The following EPHB6 variants were observed in gnomAD, a reference collection of about 807,000 sequenced individuals.
The protein encoded by EPHB6 is EPH receptor B6.
EPHB6 carries 51 observed loss-of-function variants against 107.0 expected under a neutral mutation model. The observed-to-expected ratio is 0.48, with a 90% CI of 0.38 to 0.60. EPHB6 has a LOEUF of 0.60. EPHB6 is among the 20% of genes least tolerant of loss of function. The pLI is 0.00. For missense variants in EPHB6, 1,141 were observed against 1,355.5 expected (o/e 0.84, Z 2.48); for synonymous variants, 553 against 549.0 (o/e 1.01, Z -0.10).
In EPHB6 at chr7:142,864,053, G is replaced by C; in HGVS notation, c.253G>C (p.Gly85Arg). The C allele has an allele frequency of 6.2e-7, 1 of 1,614,106 alleles. No individual in the cohort carries two copies. Among genetic ancestry groups the C allele is most frequent in the Non-Finnish European group, 8.5e-7 (1 of 1,180,038 alleles). Residue 85 changes from glycine (G) to arginine (R), a missense_variant, in exon 7 of 20, where the codon GGG becomes CGG. By Grantham distance (125) the Gly-to-Arg change is moderately radical (BLOSUM62 -2). Transcript: ENST00000652003. ...CHVAGAPPGT[G>R]QDNWLQTHFV... ...TGTGGCAGGGGCCCCTCCAGGCACC[G>C]GGCAGGACAATTGGTTGCAGACACA... is the stretch of plus-strand genomic sequence containing the variant.
chr7:142,866,669 G>T lies in EPHB6; in HGVS notation c.1587+64G>T. On this transcript the variant is annotated intron_variant, in intron 10 of 19. Transcript: ENST00000652003. This position sits in a 1 kb window ranked among gnomAD's most constrained non-coding sequence, Gnocchi z 5.2. ...AGGAGCTCATAGGCCTCACAGTGGG[G>T]CCCAGAGGTGACCAGGTGCACAGGA... The T allele has an allele frequency of 6.2e-7, 1 of 1,612,006 alleles. No individual in the cohort carries two copies. The highest frequency in any genetic ancestry group is 1.1e-5 in the South Asian group (1 of 91,000).
chr7:142,869,138 C>A lies in EPHB6; in HGVS notation c.2451C>A (p.His817Gln). The change falls in exon 16 of 20, where the codon CAC becomes CAA. Residue 817 changes from histidine (H) to glutamine (Q), a missense_variant. By Grantham distance (24) the His-to-Gln change is conservative. Around this residue, in one of 3 missense-constraint regions of EPHB6, gnomAD observed 616 missense variants for 759.3 expected, o/e 0.81. Coordinates refer to ENST00000652003, the MANE Select transcript of EPHB6 (RefSeq NM_004445.6). This position sits in a 1 kb window ranked among gnomAD's most constrained non-coding sequence, Gnocchi z 4.5. The stretch of plus-strand genomic sequence containing the variant: ...TGTGCAAGGTGGCCCGTCTTGGCCA[C>A]AGTCCTCAGGTGAGAGCACAGCCTT... ...HLVCKVARLGHSPQGPSCLLR... is the reference protein window; with the variant it reads ...HLVCKVARLGQSPQGPSCLLR... The A allele has an allele frequency of 1.2e-6, 2 of 1,613,190 alleles. No individual in the cohort carries two copies. The highest frequency in any genetic ancestry group is 2.2e-5 in the East Asian group (1 of 44,876).
chr7:142,863,205 G>C lies in EPHB6; in HGVS notation c.-23G>C. ...GGAGCAGGGTGGTGGCTGGGGCGATGGTGGACGCCCTGAAGATGTCCCATG... is the reference window on the plus strand; with the variant it reads ...GGAGCAGGGTGGTGGCTGGGGCGATCGTGGACGCCCTGAAGATGTCCCATG... On this transcript the variant is annotated 5_prime_UTR_variant, in exon 5 of 20. An upstream start codon of the reference 5' UTR is lost. Coordinates refer to ENST00000652003, the MANE Select transcript of EPHB6 (RefSeq NM_004445.6). 6.2e-7 allele frequency: 1 copy of C among 1,609,018 alleles called. No homozygotes were observed. Among genetic ancestry groups the C allele is most frequent in the Non-Finnish European group, 8.5e-7 (1 of 1,175,504 alleles).
In EPHB6 at chr7:142,869,128, G is replaced by A. The variant is rs55804539; in HGVS notation, c.2441G>A (p.Arg814His). ...AGCCACTTGGTGTGCAAGGTGGCCCGTCTTGGCCACAGTCCTCAGGTGAGA... is the reference window on the plus strand; with the variant it reads ...AGCCACTTGGTGTGCAAGGTGGCCCATCTTGGCCACAGTCCTCAGGTGAGA... ...VNSHLVCKVA[R>H]LGHSPQGPSC... Residue 814 changes from arginine (R) to histidine (H), a missense_variant, in exon 16 of 20, where the codon CGT becomes CAT. By Grantham distance (29) the Arg-to-His change is conservative (BLOSUM62 0). Transcript: ENST00000652003. The surrounding 1 kb of genome is among the most constrained non-coding windows in gnomAD (Gnocchi z 4.5). The A allele has an allele frequency of 3.3e-5, 54 of 1,613,268 alleles. 1 individual carries two copies. The highest frequency in any genetic ancestry group is 3.1e-4 in the African/African-American group (23 of 74,932).
At position 142,866,425 on chromosome 7, in the gene EPHB6, C is replaced by T; in HGVS notation, c.1463-56C>T. 2.5e-6 allele frequency: 4 copies of T among 1,613,206 alleles called. No homozygotes were observed. Among genetic ancestry groups the T allele is most frequent in the Non-Finnish European group, 3.4e-6 (4 of 1,179,958 alleles). On this transcript the variant is annotated intron_variant, in intron 9 of 19. Transcript: ENST00000652003. This position sits in a 1 kb window ranked among gnomAD's most constrained non-coding sequence, Gnocchi z 5.2. ...CACCCCTGCCGCCCTCCCCTCAAGG[C>T]TGATCCTGCTCCCAGGGACTCCTAT...
At position 142,863,662 on chromosome 7, in the gene EPHB6, T is replaced by G. The variant is rs1802960498; in HGVS notation, c.132T>G (p.Ser44=). ...TGCTGGACACCACCGGAGAGACATC[T>G]GAGATTGGCTGGCTCACCTACCCAC... The part of the protein sequence containing the change: ...EVLLDTTGET[S]EIGWLTYPPG... The change falls in exon 6 of 20, where the codon TCT becomes TCG. Residue 44 remains serine (S), a synonymous_variant. Coordinates refer to ENST00000652003, the MANE Select transcript of EPHB6 (RefSeq NM_004445.6). 6.2e-7 allele frequency: 1 copy of G among 1,613,872 alleles called. No individual in the cohort carries two copies. The highest frequency in any genetic ancestry group is 8.5e-7 in the Non-Finnish European group (1 of 1,179,980).
intron 7 of EPHB6, 116 bp downstream of exon 7, chr7:142,864,865 T>A: frequency 7.6e-7 from 1 of 1,311,448 alleles, no homozygotes; most frequent in Non-Finnish European, 1.1e-6. Flanking sequence ...GAATAAGCCA[T>A]CTTAGGAAAG....
In EPHB6 at chr7:142,864,376, A is replaced by G. The variant is rs2116422329; in HGVS notation, c.576A>G (p.Gly192=). 6.2e-7 allele frequency: 1 copy of G among 1,613,176 alleles called. No homozygotes were observed. The highest frequency in any genetic ancestry group is 1.3e-5 in the African/African-American group (1 of 75,032). Reference sequence around the variant, plus strand: ...CCCACGGGGCTGGGCAGCGGGCTGGACTGCAACTGAACGTCAAAGAGCGGA... The same window carrying G: ...CCCACGGGGCTGGGCAGCGGGCTGGGCTGCAACTGAACGTCAAAGAGCGGA... ...VGPHGAGQRA[G]LQLNVKERSF... Residue 192 remains glycine, a synonymous_variant, in exon 7 of 20, where the codon GGA becomes GGG. Coordinates refer to ENST00000652003, the MANE Select transcript of EPHB6 (RefSeq NM_004445.6).
chr7:142,862,488 C>A (rs1422975025), intron 3 of EPHB6, among the ~76,000 whole-genome samples: 3 of 152,206 alleles, frequency 2.0e-5, no homozygotes, highest in Non-Finnish European at 2.9e-5. Flanking sequence ...AGCTCTGCCC[C>A]CTCCCTGCAC....
intron 2 of EPHB6, among the ~76,000 whole-genome samples, chr7:142,861,591 C>T (rs1410341400): frequency 2.0e-5 from 3 of 152,220 alleles, no homozygotes; most frequent in Non-Finnish European, 4.4e-5. Context: ...TTACTTTACA[C>T]TGTTCTCCAT....
In EPHB6 at chr7:142,864,467, C is replaced by G. The variant is rs754136264; in HGVS notation, c.667C>G (p.Leu223Val). 1.3e-5 allele frequency: 21 copies of G among 1,613,172 alleles called. No individual in the cohort carries two copies. The highest frequency in any genetic ancestry group is 1.8e-5 in the Non-Finnish European group (21 of 1,179,894). The change falls in exon 7 of 20, where the codon CTG becomes GTG. Residue 223 changes from leucine (L) to valine (V), a missense_variant. Leu to Val is a conservative substitution (Grantham distance 32, BLOSUM62 1). This residue lies in a region of EPHB6 where 221 missense variants were observed against 300.5 expected (regional missense o/e 0.74). Coordinates refer to ENST00000652003, the MANE Select transcript of EPHB6 (RefSeq NM_004445.6). ...CCAGGACACGGGGGCCTGCCTGGCC[C>G]TGGTCGCTGTCAGGCTCTTCTCCTA... ...AFQDTGACLA[L>V]VAVRLFSYTC... is the part of the protein sequence containing the mutation.
rs1794792833 is a variant in EPHB6, at chr7:142,869,404, C to T, written c.2460+257C>T. On this transcript the variant is annotated intron_variant, in intron 16 of 19. Coordinates refer to ENST00000652003, the MANE Select transcript of EPHB6 (RefSeq NM_004445.6). This position sits in a 1 kb window ranked among gnomAD's most constrained non-coding sequence, Gnocchi z 4.5. ...ATCTAGAACTACCTCCTGCCCTTCC[C>T]CCATTGTGGAGATTACACAGACTCC... is the stretch of plus-strand genomic sequence containing the variant. 6.6e-6 allele frequency among the ~76,000 whole-genome samples: 1 copy of T among 152,168 alleles called. No individual in the cohort carries two copies. Among genetic ancestry groups the T allele is most frequent in the Non-Finnish European group, 1.5e-5 (1 of 68,030 alleles).
At chr7:142,865,910 C>G (rs1803135061) in intron 8 of EPHB6, 50 bp from the exon 9 acceptor site, 2 of 1,580,048 alleles carry the variant, frequency 1.3e-6, no homozygotes, top group Non-Finnish European at 1.7e-6. Context: ...TCAATCACCC[C>G]CACTGCTGCC....
At chr7:142,858,050 ATT>A (rs1187719838) in intron 1 of EPHB6, among the ~76,000 whole-genome samples, 1 of 152,136 alleles carries the variant, frequency 6.6e-6, no homozygotes, top group Non-Finnish European at 1.5e-5. Context: ...TTTTACAAAT[ATT>A]TTTCTTTTTT....
chr7:142,868,887 C>T lies in EPHB6; in HGVS notation c.2287-87C>T, dbSNP rs549064463. The T allele has an allele frequency of 1.5e-5, 24 of 1,585,422 alleles. No individual in the cohort carries two copies. Among genetic ancestry groups the T allele is most frequent in the East Asian group, 4.5e-5 (2 of 44,266 alleles). On this transcript the variant is annotated intron_variant, in intron 15 of 19. Coordinates refer to ENST00000652003, the MANE Select transcript of EPHB6 (RefSeq NM_004445.6). This position sits in a 1 kb window ranked among gnomAD's most constrained non-coding sequence, Gnocchi z 4.2. ...CATTTTCTGATTCGACACCCTCCCG[C>T]TCTCATGCTGTTGTCTGCTATGCAG...
chr7:142,865,978 A>G lies in EPHB6; in HGVS notation c.1124A>G (p.Gln375Arg). Residue 375 changes from glutamine to arginine, a missense_variant, in exon 9 of 20, where the codon CAG becomes CGG. Coordinates refer to ENST00000652003, the MANE Select transcript of EPHB6 (RefSeq NM_004445.6). ...CCCCCAGGTCCTCCATCGGCTCCCC[A>G]GGAGCTTTGGTTTGAGGTGCAAGGC... ...APCTGPPSAPQELWFEVQGSA... is the reference protein window; with the variant it reads ...APCTGPPSAPRELWFEVQGSA... 2 of 1,613,438 alleles carry G rather than the reference A, an allele frequency of 1.2e-6. No homozygotes were observed. The highest frequency in any genetic ancestry group is 1.7e-6 in the Non-Finnish European group (2 of 1,179,760).
Position 142,867,263 on chromosome 7 carries a change from G to T in EPHB6, c.1750+195G>T, listed in dbSNP as rs930893249. 4 of 681,224 alleles carry T rather than the reference G, an allele frequency of 5.9e-6. No homozygotes were observed. The highest frequency in any genetic ancestry group is 9.9e-6 in the Non-Finnish European group (4 of 405,452). The allele number at this position is 681,224 out of a possible 1,614,324, so 42.2% of individuals were successfully genotyped here. A position where few individuals can be genotyped will look rare whatever the true frequency, so the allele number is the denominator to read the frequency against. On this transcript the variant is annotated intron_variant, in intron 11 of 19. Coordinates refer to ENST00000652003, the MANE Select transcript of EPHB6 (RefSeq NM_004445.6). This position sits in a 1 kb window ranked among gnomAD's most constrained non-coding sequence, Gnocchi z 5.3. ...GGTGGGGAATTGTAGGGGTATGTAT[G>T]CATGTTGAGTGTGGATATAGGAGGG...
At chr7:142,863,910 T>A in intron 6 of EPHB6, 56 bp from the exon 7 acceptor site, 1 of 1,612,050 alleles carries the variant, frequency 6.2e-7, no homozygotes, top group Non-Finnish European at 8.5e-7. Context: ...CTATAACCTC[T>A]ACCTCGCCGT....
chr7:142,868,727 C>T lies in EPHB6; in HGVS notation c.2274C>T (p.Asp758=). The part of the protein sequence containing the change: ...LTEFMELGPL[D]SFLRQREGQF... The stretch of plus-strand genomic sequence containing the variant: ...AGTTCATGGAGCTTGGCCCCCTGGA[C>T]AGCTTCCTCAGGGTCAGTCCAGCCT... The change falls in exon 15 of 20, where the codon GAC becomes GAT. Residue 758 remains aspartate (D), a synonymous_variant. Coordinates refer to ENST00000652003, the MANE Select transcript of EPHB6 (RefSeq NM_004445.6). This position sits in a 1 kb window ranked among gnomAD's most constrained non-coding sequence, Gnocchi z 4.2. 1 of 1,613,942 alleles carries T rather than the reference C, an allele frequency of 6.2e-7. No individual in the cohort carries two copies. The highest frequency in any genetic ancestry group is 8.5e-7 in the Non-Finnish European group (1 of 1,180,028).
Sources: gnomAD v4.1 joint callset for allele counts (sites outside exome capture counted in the v4.1 genomes callset) on GRCh38, gnomAD v4.1.1 for gene constraint, gnomAD v4.1.1 regional missense constraint, Gnocchi (gnomAD v3.1) non-coding constraint, MANE v1.5 for transcripts, NCBI Gene and HGNC (gene_info 2026-07-23, HGNC 2026-07-21) for gene names.